NOTCH1: variants seen among roughly 807,000 people sequenced by gnomAD.
NOTCH1 encodes the protein neurogenic locus notch homolog protein 1.
Under a neutral mutation model 254.8 loss-of-function variants are expected in NOTCH1, and 37 were observed. That is an observed-to-expected ratio of 0.15 (90% confidence interval 0.11 to 0.19). The LOEUF is 0.19. Ranked by LOEUF, NOTCH1 falls within the 10% of genes least tolerant of loss-of-function variation. The pLI is 1.00. For synonymous variants in NOTCH1, 1,731 were observed against 1,618.1 expected, an observed-to-expected ratio of 1.07 and a Z score of -1.68; for missense variants, 2,972 against 3,708.6, an observed-to-expected ratio of 0.80 and a Z score of 5.16.
At position 136,496,652 on chromosome 9, in the gene NOTCH1, T is replaced by A. The variant is rs369842609; in HGVS notation, c.7087A>T (p.Met2363Leu). The change falls in exon 34 of 34, where the codon ATG becomes TTG. Residue 2363 changes from methionine to leucine, a missense_variant. Met to Leu is a conservative substitution (Grantham distance 15). Around this residue, in one of 8 missense-constraint regions of NOTCH1, gnomAD observed 529 missense variants for 529.2 expected, o/e 1.00. Transcript: ENST00000651671. Reference sequence around the variant, plus strand: ...GTGCTGGGCAGGCCCTGGTAGCTCATCATCTGGGACAGGGCGCTGGCAGCA... The same window carrying A: ...GTGCTGGGCAGGCCCTGGTAGCTCAACATCTGGGACAGGGCGCTGGCAGCA... ...SLAASALSQM[M>L]SYQGLPSTRL... 6.2e-7 allele frequency: 1 copy of A among 1,613,088 alleles called. No individual in the cohort carries two copies. Among genetic ancestry groups the A allele is most frequent in the Non-Finnish European group, 8.5e-7 (1 of 1,179,954 alleles).
rs776616401 is a variant in NOTCH1, at chr9:136,523,895, G to T, written c.225C>A (p.His75Gln). 6.2e-7 allele frequency: 1 copy of T among 1,608,492 alleles called. No homozygotes were observed. Among genetic ancestry groups the T allele is most frequent in the Admixed American group, 1.7e-5 (1 of 59,372 alleles). Residue 75 changes from histidine to glutamine, a missense_variant, in exon 3 of 34, where the codon CAC (histidine) becomes CAA (glutamine). Around this residue, in one of 8 missense-constraint regions of NOTCH1, gnomAD observed 374 missense variants for 496.3 expected, o/e 0.75. Coordinates refer to ENST00000651671, the MANE Select transcript of NOTCH1 (RefSeq NM_017617.5). ...CTGCCACGCCTCTGCGGTCCACCAC[G>T]TGGCATGTCCCGGCGTTCTTGCAGG... is the stretch of plus-strand genomic sequence containing the variant. ...STPCKNAGTC[H>Q]VVDRRGVADY... is the part of the protein sequence containing the mutation.
At chr9:136,514,926 C>CAG (rs944669047) in intron 12 of NOTCH1, among the ~76,000 whole-genome samples, 2 of 152,196 alleles carry the variant, frequency 1.3e-5, no homozygotes, top group African/African-American at 4.8e-5. Context: ...GGGGCTACTG[C>CAG]AGCCCTGACT....
chr9:136,507,066 G>C, intron 22 of NOTCH1, 93 bp from the exon 23 acceptor site: 1 of 1,535,738 alleles, frequency 6.5e-7, no homozygotes, highest in Non-Finnish European at 8.8e-7. Flanking sequence ...GCTCAGGTCT[G>C]GGGCTGCACG....
Position 136,497,316 on chromosome 9 carries a change from C to A in NOTCH1, c.6423G>T (p.Ser2141=), listed in dbSNP as rs557375925. 12 of 1,606,886 alleles carry A rather than the reference C, an allele frequency of 7.5e-6. No individual in the cohort carries two copies. Among genetic ancestry groups the A allele is most frequent in the Non-Finnish European group, 1.0e-5 (12 of 1,179,714 alleles). ...TGAGGCTGCCCAGGTAGCCGTTGGGCGAGCAGAGCGGGGGCGACAGGGTGG... is the reference window on the plus strand; with the variant it reads ...TGAGGCTGCCCAGGTAGCCGTTGGGAGAGCAGAGCGGGGGCGACAGGGTGG... ...GTPTLSPPLC[S]PNGYLGSLKP... The change falls in exon 34 of 34, where the codon TCG becomes TCT. Residue 2141 remains serine, a synonymous_variant. Coordinates refer to ENST00000651671, the MANE Select transcript of NOTCH1 (RefSeq NM_017617.5).
chr9:136,526,870 C>A (rs1043039596), intron 2 of NOTCH1, among the ~76,000 whole-genome samples: 4 of 152,176 alleles, frequency 2.6e-5, no homozygotes, highest in Non-Finnish European at 4.4e-5. Flanking sequence ...CTGCTCCCAG[C>A]GGGTGGGGCA....
intron 2 of NOTCH1, among the ~76,000 whole-genome samples, chr9:136,525,069 G>A (rs1204866186): frequency 6.6e-6 from 1 of 152,144 alleles, no homozygotes; most frequent in Non-Finnish European, 1.5e-5. Flanking sequence ...TTTCCCTTTC[G>A]GCATTGAGTC....
At chr9:136,498,134 G>A (rs1589053932) in intron 33 of NOTCH1, among the ~76,000 whole-genome samples, 3 of 152,218 alleles carry the variant, frequency 2.0e-5, no homozygotes, top group Middle Eastern at 3.4e-3. Context: ...ACGGACTGGG[G>A]AGCGCCTGGG....
chr9:136,510,955 T>C, intron 16 of NOTCH1, 150 bp from the exon 17 acceptor site: 1 of 1,371,308 alleles, frequency 7.3e-7, no homozygotes. Flanking sequence ...AATTTTGGCC[T>C]AAGAAGGTCA....
Position 136,517,741 on chromosome 9 carries a change from G to C in NOTCH1, c.1441+11C>G, listed in dbSNP as rs376506127. 1.2e-6 allele frequency: 2 copies of C among 1,612,390 alleles called. No individual in the cohort carries two copies. The highest frequency in any genetic ancestry group is 1.7e-6 in the Non-Finnish European group (2 of 1,179,806). ...CGACTCGGTTTCCCGCCCTGGCCCC[G>C]GCCGACGCACCGGGCATGCAGATGC... On this transcript the variant is annotated intron_variant, in intron 8 of 33. Coordinates refer to ENST00000651671, the MANE Select transcript of NOTCH1 (RefSeq NM_017617.5).
Position 136,502,105 on chromosome 9 carries a change from C to G in NOTCH1, c.5385-17G>C, listed in dbSNP as rs746960421. 1.2e-6 allele frequency: 2 copies of G among 1,612,484 alleles called. No individual in the cohort carries two copies. The highest frequency in any genetic ancestry group is 8.5e-7 in the Non-Finnish European group (1 of 1,179,860). ...TTCAGGGGCCTGGGGGGTGAGGGGT[C>G]GAGAAGTGAGGCTGAGCGAGCTCCC... On this transcript the variant is annotated splice_polypyrimidine_tract_variant and intron_variant, in intron 28 of 33. Transcript: ENST00000651671.
rs553467439 is a variant in NOTCH1, at chr9:136,503,063, C to T, written c.5167+119G>A. On this transcript the variant is annotated intron_variant, in intron 27 of 33. Transcript: ENST00000651671. ...ATTCCAGAAAAGCCCTACCCCAACT[C>T]GGACGGCAACGCTCACACCCGTGGG... 3.1e-4 allele frequency: 451 copies of T among 1,443,636 alleles called. 2 individuals carry two copies. The highest frequency in any genetic ancestry group is 2.8e-3 in the Middle Eastern group (16 of 5,760). The allele number at this position is 1,443,636 out of a possible 1,614,324, so 89.4% of individuals were successfully genotyped here. A position where few individuals can be genotyped will look rare whatever the true frequency, so the allele number is the denominator to read the frequency against.
rs754934469 is a variant in NOTCH1 at position 136,518,688 on chromosome 9, C to T, written c.1002G>A (p.Glu334=). ...CGGCGCTGGCACAGTCATCAATGTTCTCGCTGCAGTCCTCACCAGTCCAGC... is the reference window on the plus strand; with the variant it reads ...CGGCGCTGGCACAGTCATCAATGTTTTCGCTGCAGTCCTCACCAGTCCAGC... The part of the protein sequence containing the change: ...VNGWTGEDCS[E]NIDDCASAAC... The change falls in exon 6 of 34, where the codon GAG becomes GAA. Residue 334 remains glutamate, a synonymous_variant. Coordinates refer to ENST00000651671, the MANE Select transcript of NOTCH1 (RefSeq NM_017617.5). The T allele has an allele frequency of 6.2e-7, 1 of 1,612,788 alleles. No individual in the cohort carries two copies. Among genetic ancestry groups the T allele is most frequent in the South Asian group, 1.1e-5 (1 of 91,086 alleles).
intron 9 of NOTCH1, among the ~76,000 whole-genome samples, chr9:136,516,899 A>G (rs1464188229): frequency 1.3e-5 from 2 of 151,718 alleles, no homozygotes; most frequent in Non-Finnish European, 2.9e-5. Flanking sequence ...TCTGAACACA[A>G]CCAATGGCCA....
At position 136,500,739 on chromosome 9, in the gene NOTCH1, T is replaced by G; in HGVS notation, c.5747A>C (p.Gln1916Pro). The change falls in exon 31 of 34, where the codon CAG becomes CCG. Residue 1916 changes from glutamine (Q) to proline (P), a missense_variant. Gln to Pro is a moderately conservative substitution (Grantham distance 76, BLOSUM62 -1). This residue lies in a region of NOTCH1 where 421 missense variants were observed against 604.4 expected (regional missense o/e 0.70). Transcript: ENST00000651671. ...APAVISDFIY[Q>P]GASLHNQTDR... ...TGTCTGGTTGTGCAGGCTGGCGCCC[T>G]GGTAGATGAAGTCGGAGATGACGGC... 6.2e-7 allele frequency: 1 copy of G among 1,607,588 alleles called. No individual in the cohort carries two copies. Among genetic ancestry groups the G allele is most frequent in the Non-Finnish European group, 8.5e-7 (1 of 1,179,876 alleles).
Position 136,519,555 on chromosome 9 carries a change from G to T in NOTCH1, c.753C>A (p.Gly251=). Residue 251 remains glycine, a synonymous_variant, in exon 5 of 34, where the codon GGC becomes GGA. Coordinates refer to ENST00000651671, the MANE Select transcript of NOTCH1 (RefSeq NM_017617.5). The part of the protein sequence containing the change: ...HECACLPGFT[G]QNCEENIDDC... Reference sequence around the variant, plus strand: ...CGTCGATATTTTCCTCACAGTTCTGGCCGGTGAAGCCTGCCGCAAGAGGGG... The same window carrying T: ...CGTCGATATTTTCCTCACAGTTCTGTCCGGTGAAGCCTGCCGCAAGAGGGG... 6.2e-7 allele frequency: 1 copy of T among 1,612,818 alleles called. No homozygotes were observed. The highest frequency in any genetic ancestry group is 8.5e-7 in the Non-Finnish European group (1 of 1,179,932).
intron 2 of NOTCH1, among the ~76,000 whole-genome samples, chr9:136,528,910 T>C (rs1378999708): frequency 6.6e-6 from 1 of 151,992 alleles, no homozygotes; most frequent in African/African-American, 2.4e-5. Flanking sequence ...CAGGAGCCAA[T>C]CGCTAGGCGG....
chr9:136,515,634 G>T lies in NOTCH1; in HGVS notation c.1752C>A (p.Val584=), dbSNP rs902251832. Residue 584 remains valine, a synonymous_variant, in exon 11 of 34, where the codon GTC becomes GTA. Transcript: ENST00000651671. ...PCHYGSCKDG[V]ATFTCLCRPG... Reference sequence around the variant, plus strand: ...GGCGGCAGAGGCAGGTGAAGGTGGCGACGCCGTCCTTGCAGGAGCCGTAGT... The same window carrying T: ...GGCGGCAGAGGCAGGTGAAGGTGGCTACGCCGTCCTTGCAGGAGCCGTAGT... 1 of 1,601,102 alleles carries T rather than the reference G, an allele frequency of 6.2e-7. No individual in the cohort carries two copies. The highest frequency in any genetic ancestry group is 8.5e-7 in the Non-Finnish European group (1 of 1,176,390).
Position 136,509,761 on chromosome 9 carries a change from C to T in NOTCH1, c.2941G>A (p.Glu981Lys), listed in dbSNP as rs2133350389. Residue 981 changes from glutamate (E) to lysine (K), a missense_variant, in exon 18 of 34, where the codon GAG becomes AAG. Glu to Lys is a moderately conservative substitution (Grantham distance 56, BLOSUM62 1). Transcript: ENST00000651671. The stretch of plus-strand genomic sequence containing the variant: ...TCTGTGCAGTCAGGCGTGTTGTTCT[C>T]ACAGTGGATCCCGCTGAAGCCTGCG... ...CPAGFSGIHCENNTPDCTESS... is the reference protein window; with the variant it reads ...CPAGFSGIHCKNNTPDCTESS... The T allele has an allele frequency of 6.2e-7, 1 of 1,613,034 alleles. No homozygotes were observed. The highest frequency in any genetic ancestry group is 8.5e-7 in the Non-Finnish European group (1 of 1,179,994).
chr9:136,517,756 C>A lies in NOTCH1; in HGVS notation c.1437G>T (p.Met479Ile). Residue 479 changes from methionine to isoleucine, a missense_variant, in exon 8 of 34, where the codon ATG becomes ATT. Coordinates refer to ENST00000651671, the MANE Select transcript of NOTCH1 (RefSeq NM_017617.5). ...CCCTGGCCCCGGCCGACGCACCGGGCATGCAGATGCACTGGAACTCCCCAA... is the reference window on the plus strand; with the variant it reads ...CCCTGGCCCCGGCCGACGCACCGGGAATGCAGATGCACTGGAACTCCCCAA... Reference protein sequence around the residue: ...DQIGEFQCICMPGYEGVHCEV... With the variant: ...DQIGEFQCICIPGYEGVHCEV... 1 of 1,612,666 alleles carries A rather than the reference C, an allele frequency of 6.2e-7. No individual in the cohort carries two copies. The highest frequency in any genetic ancestry group is 8.5e-7 in the Non-Finnish European group (1 of 1,179,896).
Sources: gnomAD v4.1 joint callset for allele counts (sites outside exome capture counted in the v4.1 genomes callset) on GRCh38, gnomAD v4.1.1 for gene constraint, gnomAD v4.1.1 regional missense constraint, MANE v1.5 for transcripts, NCBI Gene and HGNC (gene_info 2026-07-23, HGNC 2026-07-21) for gene names.